The following SRRM3 variants were observed in gnomAD, a reference collection of about 807,000 sequenced individuals.
SRRM3 encodes serine/arginine repetitive matrix 3, also known as serine/arginine repetitive matrix protein 3.
A neutral mutation model predicts 66.2 loss-of-function variants in SRRM3; 27 were observed. The observed-to-expected ratio is 0.41, with a 90% CI of 0.30 to 0.56. The LOEUF is 0.56. SRRM3 is among the 20% of genes least tolerant of loss of function. The probability of loss-of-function intolerance (pLI) is 0.32; values close to 1 mark genes in which losing one functional copy is unlikely to be tolerated. For synonymous variants in SRRM3, 391 were observed against 414.9 expected (o/e 0.94, Z 0.70); for missense variants, 918 against 991.9 (o/e 0.93, Z 1.00).
At chr7:76,257,778 TAAAATAA>T (rs1222837726) in intron 3 of SRRM3, among the ~76,000 whole-genome samples, 9 of 150,848 alleles carry the variant, frequency 6.0e-5, no homozygotes, top group Admixed American at 3.3e-4. Flanking sequence ...TCTCAAAAAA[TAAAATAA>T]AAAATAAAAA....
In SRRM3 at chr7:76,286,062, C is replaced by A; in HGVS notation, c.*219C>A. 1.7e-6 allele frequency: 1 copy of A among 593,560 alleles called. No homozygotes were observed. Among genetic ancestry groups the A allele is most frequent in the African/African-American group, 1.9e-5 (1 of 53,476 alleles). 36.8% of individuals were successfully genotyped at this position (593,560 alleles called of 1,614,324 possible). ...TGCTGCTTCTACGGGTGTCCTCTCCCACCTCCTGTCCACCCACTGTGCCCG... is the reference window on the plus strand; with the variant it reads ...TGCTGCTTCTACGGGTGTCCTCTCCAACCTCCTGTCCACCCACTGTGCCCG... On this transcript the variant is annotated 3_prime_UTR_variant, in exon 15 of 15. Transcript: ENST00000611745.
At chr7:76,225,472 G>GC (rs1183777591) in intron 1 of SRRM3, among the ~76,000 whole-genome samples, 1,837 of 92,458 alleles carry the variant, frequency 0.02, 19 homozygotes, top group African/African-American at 0.049. Flanking sequence ...CCCCCTCCCC[G>GC]CCCCCCCCGC....
chr7:76,281,021 C>A (rs1554611782), intron 11 of SRRM3, among the ~76,000 whole-genome samples: 1 of 144,864 alleles, frequency 6.9e-6, no homozygotes, highest in African/African-American at 2.6e-5. Context: ...TCTCCTCCCT[C>A]TCTCCTCCCT....
In SRRM3 at chr7:76,282,805, T is replaced by C; in HGVS notation, c.1528T>C (p.Ser510Pro). The change falls in exon 13 of 15, where the codon TCG becomes CCG. Residue 510 changes from serine to proline, a missense_variant. Physicochemically the swap from Ser to Pro is moderately conservative, Grantham distance 74. Coordinates refer to ENST00000611745, the MANE Select transcript of SRRM3 (RefSeq NM_001110199.3). ...CAGCCGCTCGCCCTCCAAATCTCGC[T>C]CGCGCTCTGCGGAGAAGCGGCCCCA... ...SSSRSPSKSR[S>P]RSAEKRPHSP... 6.8e-7 allele frequency: 1 copy of C among 1,465,532 alleles called. No homozygotes were observed. The highest frequency in any genetic ancestry group is 9.0e-7 in the Non-Finnish European group (1 of 1,114,790). 90.8% of individuals were successfully genotyped at this position (1,465,532 alleles called of 1,614,324 possible). A position where few individuals can be genotyped will look rare whatever the true frequency, so the allele number is the denominator to read the frequency against.
rs1263324285 is a variant in SRRM3, at chr7:76,282,703, G to T, written c.1426G>T (p.Ala476Ser). The T allele has an allele frequency of 1.4e-6, 2 of 1,421,342 alleles. No homozygotes were observed. The highest frequency in any genetic ancestry group is 1.5e-5 in the African/African-American group (1 of 66,488). The allele number at this position is 1,421,342 out of a possible 1,614,324, so 88.0% of individuals were successfully genotyped here. The stretch of plus-strand genomic sequence containing the variant: ...CGCCAGCACCTCTCCGTCCCCGGGC[G>T]CGCACGGCCGGCGCGGCGGCCCAGA... ...RPASTSPSPGAHGRRGGPEGK... is the reference protein window; with the variant it reads ...RPASTSPSPGSHGRRGGPEGK... Residue 476 changes from alanine to serine, a missense_variant, in exon 13 of 15, where the codon GCG (alanine) becomes TCG (serine). Coordinates refer to ENST00000611745, the MANE Select transcript of SRRM3 (RefSeq NM_001110199.3).
intron 1 of SRRM3, among the ~76,000 whole-genome samples, chr7:76,232,095 C>G (rs1412713739): frequency 6.6e-6 from 1 of 152,206 alleles, no homozygotes; most frequent in Non-Finnish European, 1.5e-5. Context: ...TCTCTTGCCT[C>G]CTGTTGTCAC....
intron 1 of SRRM3, among the ~76,000 whole-genome samples, chr7:76,227,904 C>G (rs1359126326): frequency 3.9e-5 from 6 of 152,178 alleles, no homozygotes; most frequent in Non-Finnish European, 7.3e-5. Flanking sequence ...AAATCTCACT[C>G]TGTCACCCAG....
intron 10 of SRRM3, 47 bp from the exon 11 acceptor site, chr7:76,267,211 G>A (rs781951525): frequency 2.1e-6 from 3 of 1,453,802 alleles, no homozygotes; most frequent in Non-Finnish European, 1.8e-6. Context: ...CTTGCAAAGC[G>A]GGTGTCCCAC....
At chr7:76,280,407 C>CCAT (rs1416021432) in intron 11 of SRRM3, among the ~76,000 whole-genome samples, 1 of 147,898 alleles carries the variant, frequency 6.8e-6, no homozygotes, top group East Asian at 2.0e-4. Context: ...CCCACCCCCT[C>CCAT]CATCCCCTCG....
intron 1 of SRRM3, among the ~76,000 whole-genome samples, chr7:76,215,036 T>C (rs1373185546): frequency 7.5e-6 from 1 of 133,002 alleles, no homozygotes; most frequent in African/African-American, 3.2e-5. Context: ...CGTGCATATA[T>C]TCACTCAAAA....
At chr7:76,278,108 C>A (rs1386793700) in intron 11 of SRRM3, among the ~76,000 whole-genome samples, 4 of 152,166 alleles carry the variant, frequency 2.6e-5, no homozygotes, top group African/African-American at 4.8e-5. Context: ...GGGGCACTGG[C>A]TGCCTGGCTG....
intron 11 of SRRM3, chr7:76,272,916 A>T (rs1488130759): frequency 5.3e-5 from 8 of 152,246 alleles, no homozygotes; most frequent in Admixed American, 5.2e-4. Flanking sequence ...CCAAAGCCAG[A>T]GGGAAAGGAG....
At chr7:76,254,488 T>G (rs552158841) in intron 3 of SRRM3, among the ~76,000 whole-genome samples, 51 of 152,286 alleles carry the variant, frequency 3.3e-4, no homozygotes, top group Admixed American at 1.0e-3. Context: ...CTGGCTAATT[T>G]TGTATTTTTA....
chr7:76,279,856 G>A (rs1281931723), intron 11 of SRRM3, among the ~76,000 whole-genome samples: 1 of 152,040 alleles, frequency 6.6e-6, no homozygotes, highest in African/African-American at 2.4e-5. Flanking sequence ...TCTATCCAGC[G>A]GTCACCTAAG....
chr7:76,251,787 G>A (rs1801588795), intron 3 of SRRM3, among the ~76,000 whole-genome samples: 1 of 152,042 alleles, frequency 6.6e-6, no homozygotes, highest in South Asian at 2.1e-4. Context: ...AAAATGCTGG[G>A]AGCTGTGGTT....
intron 14 of SRRM3, 61 bp downstream of exon 14, chr7:76,283,162 A>G: frequency 7.5e-7 from 1 of 1,339,828 alleles, no homozygotes; most frequent in Non-Finnish European, 9.5e-7. Flanking sequence ...CGGATCAGGG[A>G]CAGAGACCTC....
chr7:76,257,309 C>T (rs2117048688), intron 3 of SRRM3, among the ~76,000 whole-genome samples: 1 of 152,088 alleles, frequency 6.6e-6, no homozygotes, highest in East Asian at 1.9e-4. Context: ...AAGGGGAGCT[C>T]TGCTGAAACC....
At chr7:76,267,039 G>T (rs1292645210) in intron 10 of SRRM3, among the ~76,000 whole-genome samples, 1 of 152,090 alleles carries the variant, frequency 6.6e-6, no homozygotes, top group African/African-American at 2.4e-5. Context: ...CTGCCCTAAG[G>T]CCCCTAAGCC....
chr7:76,247,698 G>T (rs1385440845), intron 2 of SRRM3, among the ~76,000 whole-genome samples: 2 of 152,060 alleles, frequency 1.3e-5, no homozygotes, highest in South Asian at 2.1e-4. Flanking sequence ...ATGTTTTGTT[G>T]CTGTTGTTTG....
Sources: gnomAD v4.1 joint callset for allele counts (sites outside exome capture counted in the v4.1 genomes callset) on GRCh38, gnomAD v4.1.1 for gene constraint, MANE v1.5 for transcripts, NCBI Gene and HGNC (gene_info 2026-07-23, HGNC 2026-07-21) for gene names.